Variants in KIF6 observed in about 807,000 individuals in gnomAD.
KIF6 encodes kinesin-like protein KIF6.
Under a neutral mutation model 112.7 loss-of-function variants are expected in KIF6, and 106 were observed. That is an observed-to-expected ratio of 0.94 (90% CI 0.80 to 1.11). The LOEUF (loss-of-function observed/expected upper bound fraction) is 1.11, where lower values mean the gene tolerates loss of function less well. Among genes scored for constraint, KIF6 ranks in the 50% least tolerant of loss-of-function variants. The pLI, the probability that KIF6 is intolerant of heterozygous loss-of-function variation, is 0.00. For synonymous variants in KIF6, 339 were observed against 339.9 expected, an observed-to-expected ratio of 1.00 and a Z score of 0.03; for missense variants, 929 against 964.0, an observed-to-expected ratio of 0.96 and a Z score of 0.48.
In KIF6 at chr6:39,595,345, C is replaced by T. The variant is rs550316428; in HGVS notation, c.846+709G>A. ...CTGTGAAGCCAAGTAAATCTAGGTTCTAATCTTCACCCTCCCCTAGCTGGG... is the reference window on the plus strand; with the variant it reads ...CTGTGAAGCCAAGTAAATCTAGGTTTTAATCTTCACCCTCCCCTAGCTGGG... On this transcript the variant is annotated intron_variant, in intron 7 of 22. Transcript: ENST00000287152. Among the ~76,000 whole-genome samples, 22 of 152,330 alleles carry T rather than the reference C, an allele frequency of 1.4e-4. 1 individual carries two copies. Among genetic ancestry groups the T allele is most frequent in the Admixed American group, 1.3e-3 (20 of 15,302 alleles).
At chr6:39,688,495 C>T (rs1049050993) in intron 3 of KIF6, among the ~76,000 whole-genome samples, 1 of 152,114 alleles carries the variant, frequency 6.6e-6, no homozygotes, top group Non-Finnish European at 1.5e-5. Context: ...TAGAAGTTCA[C>T]ATGAATAGAA....
At chr6:39,665,479 T>C (rs1307088396) in intron 3 of KIF6, among the ~76,000 whole-genome samples, 1 of 152,076 alleles carries the variant, frequency 6.6e-6, no homozygotes, top group Non-Finnish European at 1.5e-5. Flanking sequence ...GTATTGGAAA[T>C]GATGTGAAGA....
At chr6:39,508,451 T>G (rs138804198) in intron 13 of KIF6, among the ~76,000 whole-genome samples, 273 of 152,232 alleles carry the variant, frequency 1.8e-3, no homozygotes, top group African/African-American at 5.8e-3. Flanking sequence ...GATCTCCCTT[T>G]CCTAGCCAAG....
At chr6:39,455,393 A>T (rs1219469223) in intron 13 of KIF6, among the ~76,000 whole-genome samples, 2 of 151,690 alleles carry the variant, frequency 1.3e-5, no homozygotes, top group Admixed American at 6.6e-5. Context: ...CAAAGACCAA[A>T]AGTAGATAAA....
At chr6:39,458,309 C>G (rs1206613523) in intron 13 of KIF6, among the ~76,000 whole-genome samples, 2 of 150,406 alleles carry the variant, frequency 1.3e-5, no homozygotes, top group Non-Finnish European at 3.0e-5. Flanking sequence ...AAGCCTTTGA[C>G]AAAATTCAAC....
At chr6:39,420,746 C>A (rs1193732700) in intron 14 of KIF6, among the ~76,000 whole-genome samples, 1 of 152,122 alleles carries the variant, frequency 6.6e-6, no homozygotes, top group Non-Finnish European at 1.5e-5. Flanking sequence ...TTTTATAGAG[C>A]CAGTTTTTAT....
At chr6:39,402,431 G>A (rs540289583) in intron 15 of KIF6, among the ~76,000 whole-genome samples, 3 of 152,272 alleles carry the variant, frequency 2.0e-5, no homozygotes, top group South Asian at 2.1e-4. Context: ...CTGGCTGTGC[G>A]GAACCTGATG....
chr6:39,360,280 G>C, intron 18 of KIF6, 115 bp downstream of exon 18: 1 of 1,180,344 alleles, frequency 8.5e-7, no homozygotes, highest in Non-Finnish European at 1.2e-6. Context: ...TTCATGAGCA[G>C]GGGCTGAGAC....
chr6:39,400,357 C>T (rs949642616), intron 15 of KIF6, among the ~76,000 whole-genome samples: 2 of 152,204 alleles, frequency 1.3e-5, no homozygotes, highest in Admixed American at 6.5e-5. Flanking sequence ...TCATGCCAAT[C>T]CTAACTCACA....
At chr6:39,607,153 A>G (rs193220698) in intron 6 of KIF6, among the ~76,000 whole-genome samples, 1 of 152,330 alleles carries the variant, frequency 6.6e-6, no homozygotes, top group African/African-American at 2.4e-5. Flanking sequence ...AACTTTAAAG[A>G]TCAGAAGAAA....
rs1765036333 is a variant in KIF6, at chr6:39,360,391, A to G, written c.2082+4T>C. 1 of 1,613,994 alleles carries G rather than the reference A, an allele frequency of 6.2e-7. No homozygotes were observed. The highest frequency in any genetic ancestry group is 1.3e-5 in the African/African-American group (1 of 74,934). On this transcript the variant is annotated splice_donor_region_variant and intron_variant, in intron 18 of 22. Coordinates refer to ENST00000287152, the MANE Select transcript of KIF6 (RefSeq NM_145027.6). ...CAGCTTCCCTGATGTTCCCCAGGCC[A>G]TACCTGCAGGTTGGTGGCCTCCTCT...
Position 39,523,687 on chromosome 6 carries a change from T to C in KIF6, c.1645+16316A>G, listed in dbSNP as rs1195590454. ...ATATATATATATATATATATATATA[T>C]ATATATATATGATTACTCTTTGAAG... On this transcript the variant is annotated intron_variant, in intron 13 of 22. Coordinates refer to ENST00000287152, the MANE Select transcript of KIF6 (RefSeq NM_145027.6). 2.2e-4 allele frequency among the ~76,000 whole-genome samples: 26 copies of C among 118,688 alleles called. 1 individual carries two copies. Among genetic ancestry groups the C allele is most frequent in the African/African-American group, 7.4e-4 (21 of 28,382 alleles). The allele number at this position is 118,688 out of a possible 152,430, so 77.9% of individuals were successfully genotyped here.
chr6:39,718,229 C>CAAAAAA (rs35872391), intron 2 of KIF6, among the ~76,000 whole-genome samples: 24 of 58,950 alleles, frequency 4.1e-4, no homozygotes, highest in East Asian at 1.0e-3. Context: ...GACTCCATCT[C>CAAAAAA]AAAAAAAAAA....
In KIF6 at chr6:39,434,454, C is replaced by T. The variant is rs144832571; in HGVS notation, c.1646-3293G>A. On this transcript the variant is annotated intron_variant, in intron 13 of 22. Coordinates refer to ENST00000287152, the MANE Select transcript of KIF6 (RefSeq NM_145027.6). ...GGCATGGCAGCACGCACCTGTAATC[C>T]CAGCTACTTGGGAGGCTGAGGCAGG... Among the ~76,000 whole-genome samples the T allele has an allele frequency of 9.3e-3, 1,411 of 151,902 alleles. 30 individuals are homozygous for T. Among genetic ancestry groups the T allele is most frequent in the African/African-American group, 0.029 (1,206 of 41,422 alleles).
intron 5 of KIF6, among the ~76,000 whole-genome samples, chr6:39,626,183 T>C (rs142958723): frequency 1.2e-4 from 19 of 152,282 alleles, no homozygotes; most frequent in Non-Finnish European, 2.2e-4. Context: ...CAGGGCATCT[T>C]GTCACTTACT....
chr6:39,502,524 G>GC (rs1776192235), intron 13 of KIF6, among the ~76,000 whole-genome samples: 1 of 152,130 alleles, frequency 6.6e-6, no homozygotes, highest in Non-Finnish European at 1.5e-5. Context: ...TGGGCTAAAT[G>GC]CCCCAATTAA....
At chr6:39,587,409 G>A (rs1781696303) in intron 7 of KIF6, among the ~76,000 whole-genome samples, 1 of 152,118 alleles carries the variant, frequency 6.6e-6, no homozygotes, top group South Asian at 2.1e-4. Context: ...CGAAAAGGGA[G>A]CATTGCTTTC....
intron 1 of KIF6, among the ~76,000 whole-genome samples, chr6:39,723,809 G>A (rs1049967732): frequency 2.0e-5 from 3 of 152,072 alleles, no homozygotes; most frequent in African/African-American, 7.2e-5. Flanking sequence ...CAGATTGGTG[G>A]GTGCAGCAAA....
At chr6:39,550,850 C>T (rs1280425996) in intron 10 of KIF6, among the ~76,000 whole-genome samples, 1 of 152,156 alleles carries the variant, frequency 6.6e-6, no homozygotes, top group Non-Finnish European at 1.5e-5. Context: ...TACTGACAAA[C>T]TAAAGCTACA....
Sources: allele counts gnomAD v4.1 joint callset (sites outside exome capture counted in the v4.1 genomes callset), GRCh38; gene constraint gnomAD v4.1.1; transcripts MANE v1.5; gene names NCBI Gene and HGNC (gene_info 2026-07-23, HGNC 2026-07-21).